Variants in ASGR2 observed in about 807,000 individuals in gnomAD.
The protein encoded by ASGR2 is asialoglycoprotein receptor 2.
A neutral mutation model predicts 32.3 loss-of-function variants in ASGR2; 34 were observed. The observed-to-expected ratio is 1.05, with a 90% CI of 0.80 to 1.40. The LOEUF is 1.40. Among genes scored for constraint, ASGR2 ranks in the 40% most tolerant of loss-of-function variants. The pLI, the probability that ASGR2 is intolerant of heterozygous loss-of-function variation, is 0.00. For synonymous variants in ASGR2, 143 were observed against 150.0 expected, an observed-to-expected ratio of 0.95 and a Z score of 0.34; for missense variants, 385 against 386.4, an observed-to-expected ratio of 1.00 and a Z score of 0.03.
In ASGR2 at chr17:7,103,732, T is replaced by C. The variant is rs556466111; in HGVS notation, c.649-1536A>G. ...AAAAAGAGAGGTGAAAAATAGACTTTGAAAAGAAGCCTTGTTTCGGAATAT... is the reference window on the plus strand; with the variant it reads ...AAAAAGAGAGGTGAAAAATAGACTTCGAAAAGAAGCCTTGTTTCGGAATAT... On this transcript the variant is annotated intron_variant, in intron 7 of 8. Coordinates refer to ENST00000691900, the MANE Select transcript of ASGR2 (RefSeq NM_001201352.2). 1.2e-4 allele frequency among the ~76,000 whole-genome samples: 18 copies of C among 152,288 alleles called. No individual in the cohort carries two copies. In the South Asian group the frequency reaches 2.9e-3, roughly 25 times the overall value.
rs771878387 is a variant in ASGR2 at position 7,107,303 on chromosome 17, G to A, written c.424C>T (p.Leu142Phe). The part of the protein sequence containing the change: ...QDLKADHDAL[L>F]FHLKHFPVDL... ...ACGGGGAAGTGCTTCAGATGGAAGA[G>A]CAGGGCATCGTGATCTAGGACAGAC... is the stretch of plus-strand genomic sequence containing the variant. The change falls in exon 6 of 9, where the codon CTC (leucine) becomes TTC (phenylalanine). Residue 142 changes from leucine (L) to phenylalanine (F), a missense_variant. Coordinates refer to ENST00000691900, the MANE Select transcript of ASGR2 (RefSeq NM_001201352.2). The surrounding 1 kb of genome is among the most constrained non-coding windows in gnomAD (Gnocchi z 5.0). 6.2e-7 allele frequency: 1 copy of A among 1,613,486 alleles called. No homozygotes were observed. The highest frequency in any genetic ancestry group is 1.1e-5 in the South Asian group (1 of 91,084).
chr17:7,109,590 C>T (rs1442121489), intron 2 of ASGR2, among the ~76,000 whole-genome samples: 1 of 152,030 alleles, frequency 6.6e-6, no homozygotes, highest in East Asian at 1.9e-4. Flanking sequence ...TAAATTTGCT[C>T]CCCTCAGCCC....
chr17:7,108,039 C>A lies in ASGR2; in HGVS notation c.338-132G>T. On this transcript the variant is annotated intron_variant, in intron 4 of 8. Coordinates refer to ENST00000691900, the MANE Select transcript of ASGR2 (RefSeq NM_001201352.2). The surrounding 1 kb of genome is among the most constrained non-coding windows in gnomAD (Gnocchi z 4.9). The stretch of plus-strand genomic sequence containing the variant: ...CCTGGCTTCCTGGACCACACCCAGG[C>A]TCCCTGCACTGCCACAGTGGCTCAG... The A allele has an allele frequency of 1.1e-6, 1 of 906,208 alleles. No individual in the cohort carries two copies. The highest frequency in any genetic ancestry group is 1.7e-6 in the Non-Finnish European group (1 of 593,334). 56.1% of individuals were successfully genotyped at this position (906,208 alleles called of 1,614,324 possible). A position where few individuals can be genotyped will look rare whatever the true frequency, so the allele number is the denominator to read the frequency against.
upstream of ASGR2, chr17:7,115,028 C>A: frequency 1.0e-6 from 1 of 984,020 alleles, no homozygotes; most frequent in Non-Finnish European, 1.2e-6. This position sits in a 1 kb window ranked among gnomAD's most constrained non-coding sequence, Gnocchi z 4.2. Context: ...CTCCCTCCCC[C>A]TCTCACTTCC....
rs1915006682 is a variant in ASGR2, at chr17:7,113,467, ACT to A, written c.124+648_124+649del. Among the ~76,000 whole-genome samples, 2 of 147,048 alleles carry A rather than the reference ACT, an allele frequency of 1.4e-5. No homozygotes were observed. Among genetic ancestry groups the A allele is most frequent in the African/African-American group, 2.5e-5 (1 of 39,902 alleles). On this transcript the variant is annotated intron_variant, in intron 2 of 8. Transcript: ENST00000691900. This position sits in a 1 kb window ranked among gnomAD's most constrained non-coding sequence, Gnocchi z 5.1. The stretch of plus-strand genomic sequence containing the variant: ...TCACACAACACACAAACATACATAC[ACT>A]CACACAATACACACACACAACACAC...
At chr17:7,111,790 G>A (rs190087) in intron 2 of ASGR2, among the ~76,000 whole-genome samples, 62,137 of 150,722 alleles carry the variant, frequency 0.41, 13,729 homozygotes, top group Non-Finnish European at 0.49. Context: ...TTGGGAGGTC[G>A]ACACGGGGGG....
Position 7,114,755 on chromosome 17 carries a change from G to T in ASGR2, c.-211C>A. ...TGGAGGAGGGGCTGGTCCGGGCAAG[G>T]CCTGCACTGGAGGGTCTGAGTGTCC... On this transcript the variant is annotated 5_prime_UTR_variant, in exon 1 of 9. Transcript: ENST00000691900. The surrounding 1 kb of genome is among the most constrained non-coding windows in gnomAD (Gnocchi z 4.5). The T allele has an allele frequency of 1.0e-5, 10 of 1,000,612 alleles. No individual in the cohort carries two copies. The highest frequency in any genetic ancestry group is 1.2e-5 in the Non-Finnish European group (10 of 838,490). The allele number at this position is 1,000,612 out of a possible 1,614,324, so 62.0% of individuals were successfully genotyped here. A position where few individuals can be genotyped will look rare whatever the true frequency, so the allele number is the denominator to read the frequency against.
At position 7,107,206 on chromosome 17, in the gene ASGR2, G is replaced by C. The variant is rs1291711505; in HGVS notation, c.496+25C>G. Reference sequence around the variant, plus strand: ...TCCAGCCGGAGGGGCAGGCACACTGGGCCTGGAGACGGCCCCACCCCTACC... The same window carrying C: ...TCCAGCCGGAGGGGCAGGCACACTGCGCCTGGAGACGGCCCCACCCCTACC... On this transcript the variant is annotated intron_variant, in intron 6 of 8. Transcript: ENST00000691900. This position sits in a 1 kb window ranked among gnomAD's most constrained non-coding sequence, Gnocchi z 5.0. 6.2e-7 allele frequency: 1 copy of C among 1,614,064 alleles called. No individual in the cohort carries two copies. The highest frequency in any genetic ancestry group is 8.5e-7 in the Non-Finnish European group (1 of 1,180,040).
Position 7,114,139 on chromosome 17 carries a change from C to A in ASGR2, c.102G>T (p.Arg34Ser), listed in dbSNP as rs750290353. The change falls in exon 2 of 9, where the codon AGG becomes AGT. Residue 34 changes from arginine to serine, a missense_variant. Arg to Ser is a moderately radical substitution (Grantham distance 110, BLOSUM62 -1). Coordinates refer to ENST00000691900, the MANE Select transcript of ASGR2 (RefSeq NM_001201352.2). This position sits in a 1 kb window ranked among gnomAD's most constrained non-coding sequence, Gnocchi z 4.5. Reference sequence around the variant, plus strand: ...TGCCTTTCAAAAATGGATTTCCTCTCCTGGGATTCAGCCTGCGAGTGCCTG... The same window carrying A: ...TGCCTTTCAAAAATGGATTTCCTCTACTGGGATTCAGCCTGCGAGTGCCTG... ...EGPGTRRLNP[R>S]RGNPFLKGPP... is the part of the protein sequence containing the mutation. The A allele has an allele frequency of 3.1e-6, 5 of 1,614,250 alleles. No individual in the cohort carries two copies. Among genetic ancestry groups the A allele is most frequent in the Non-Finnish European group, 4.2e-6 (5 of 1,180,038 alleles).
At position 7,101,410 on chromosome 17, in the gene ASGR2, T is replaced by C; in HGVS notation, c.*165A>G. 3.9e-6 allele frequency: 3 copies of C among 777,572 alleles called. No homozygotes were observed. Among genetic ancestry groups the C allele is most frequent in the Non-Finnish European group, 5.9e-6 (3 of 512,728 alleles). The allele number at this position is 777,572 out of a possible 1,614,324, so 48.2% of individuals were successfully genotyped here. A position where few individuals can be genotyped will look rare whatever the true frequency, so the allele number is the denominator to read the frequency against. Reference sequence around the variant, plus strand: ...CAATGAATTACAGAAGGAGGTGGGATCTCAGTCCTCCAGGGTCAGGGACTC... The same window carrying C: ...CAATGAATTACAGAAGGAGGTGGGACCTCAGTCCTCCAGGGTCAGGGACTC... On this transcript the variant is annotated 3_prime_UTR_variant, in exon 9 of 9. Coordinates refer to ENST00000691900, the MANE Select transcript of ASGR2 (RefSeq NM_001201352.2).
Position 7,107,159 on chromosome 17 carries a change from G to A in ASGR2, c.497-8C>T, listed in dbSNP as rs1913847075. On this transcript the variant is annotated splice_polypyrimidine_tract_variant and splice_region_variant and intron_variant, in intron 6 of 8. Coordinates refer to ENST00000691900, the MANE Select transcript of ASGR2 (RefSeq NM_001201352.2). This position sits in a 1 kb window ranked among gnomAD's most constrained non-coding sequence, Gnocchi z 5.0. ...AGCAGGTCCTTTGGGAGCCTGAGGG[G>A]ACAGGGGGCAGGGAGATGAGATCCA... The A allele has an allele frequency of 6.2e-7, 1 of 1,614,208 alleles. No individual in the cohort carries two copies. Among genetic ancestry groups the A allele is most frequent in the Non-Finnish European group, 8.5e-7 (1 of 1,180,032 alleles).
At chr17:7,115,134 A>C, upstream of ASGR2, 1 of 473,902 alleles carries the variant, frequency 2.1e-6, no homozygotes, top group Non-Finnish European at 2.8e-6. This position sits in a 1 kb window ranked among gnomAD's most constrained non-coding sequence, Gnocchi z 4.2. Flanking sequence ...CGGCATCTGA[A>C]CCACAGACCC....
At chr17:7,106,127 A>AT (rs879718070) in intron 7 of ASGR2, among the ~76,000 whole-genome samples, 6 of 152,074 alleles carry the variant, frequency 3.9e-5, no homozygotes, top group East Asian at 3.9e-4. Context: ...GAGTCGATAT[A>AT]TTTTTTTTAA....
At chr17:7,104,905 G>A (rs1387875918) in intron 7 of ASGR2, among the ~76,000 whole-genome samples, 1 of 151,500 alleles carries the variant, frequency 6.6e-6, no homozygotes, top group African/African-American at 2.4e-5. Flanking sequence ...GAACCTGGGA[G>A]GCAGAGGTTG....
At position 7,109,005 on chromosome 17, in the gene ASGR2, G is replaced by C. The variant is rs190813014; in HGVS notation, c.125-117C>G. ...GGCGGGGGGATTGGTTGGGGCCATG[G>C]GGGGGGGTCATCATAGGCTTTGACC... On this transcript the variant is annotated intron_variant, in intron 2 of 8. Coordinates refer to ENST00000691900, the MANE Select transcript of ASGR2 (RefSeq NM_001201352.2). The C allele has an allele frequency of 7.8e-5, 73 of 936,456 alleles. No homozygotes were observed. In the South Asian group the frequency reaches 1.1e-3, roughly 14 times the overall value. The allele number at this position is 936,456 out of a possible 1,614,324, so 58.0% of individuals were successfully genotyped here. A position where few individuals can be genotyped will look rare whatever the true frequency, so the allele number is the denominator to read the frequency against.
rs1567766459 is a variant in ASGR2 at position 7,108,729 on chromosome 17, TCCCTA to T, written c.241+38_241+42del. ...CTGCCCGCCACTGCCCATGTCTCTT[TCCCTA>T]CCCCTTGCCCATCCCTGCTGGCCCC... is the stretch of plus-strand genomic sequence containing the variant. On this transcript the variant is annotated intron_variant, in intron 3 of 8. Transcript: ENST00000691900. This position sits in a 1 kb window ranked among gnomAD's most constrained non-coding sequence, Gnocchi z 4.9. 3.1e-6 allele frequency: 5 copies of T among 1,613,682 alleles called. No homozygotes were observed. In the Admixed American group the frequency reaches 5.0e-5, roughly 16 times the overall value.
rs574550495 is a variant in ASGR2 at position 7,114,358 on chromosome 17, C to G, written c.-70-48G>C. 7 of 1,266,576 alleles carry G rather than the reference C, an allele frequency of 5.5e-6. No individual in the cohort carries two copies. The highest frequency in any genetic ancestry group is 7.1e-6 in the Non-Finnish European group (7 of 979,846). The allele number at this position is 1,266,576 out of a possible 1,614,324, so 78.5% of individuals were successfully genotyped here. On this transcript the variant is annotated intron_variant, in intron 1 of 8. Transcript: ENST00000691900. The surrounding 1 kb of genome is among the most constrained non-coding windows in gnomAD (Gnocchi z 4.5). ...CGTGGAGGTTGATGGTGGGATGGAA[C>G]GCAGGGTCGGAGGGGTTCGGGGTGG...
Position 7,107,624 on chromosome 17 carries a change from A to G in ASGR2, c.409+212T>C. ...CACCACCACACATGCATACACACAC[A>G]ACACACACATATACACCACACTACA... On this transcript the variant is annotated intron_variant, in intron 5 of 8. Coordinates refer to ENST00000691900, the MANE Select transcript of ASGR2 (RefSeq NM_001201352.2). The surrounding 1 kb of genome is among the most constrained non-coding windows in gnomAD (Gnocchi z 5.0). The G allele has an allele frequency of 1.4e-6, 1 of 690,122 alleles. No individual in the cohort carries two copies. Among genetic ancestry groups the G allele is most frequent in the Non-Finnish European group, 2.5e-6 (1 of 400,584 alleles). The allele number at this position is 690,122 out of a possible 1,614,324, so 42.7% of individuals were successfully genotyped here. A position where few individuals can be genotyped will look rare whatever the true frequency, so the allele number is the denominator to read the frequency against.
Position 7,111,484 on chromosome 17 carries a change from A to G in ASGR2, c.125-2596T>C, listed in dbSNP as rs149165492. 9.0e-3 allele frequency among the ~76,000 whole-genome samples: 1,366 copies of G among 151,958 alleles called. 43 individuals carry two copies. The East Asian group carries it at 0.098, about 11-fold the overall frequency. ...ATCCTGGCTAACATGGTGAAACCCC[A>G]TCTCTACTAAAAATACAAAAAATTA... On this transcript the variant is annotated intron_variant, in intron 2 of 8. Transcript: ENST00000691900.
Sources: allele counts gnomAD v4.1 joint callset (sites outside exome capture counted in the v4.1 genomes callset), GRCh38; gene constraint gnomAD v4.1.1; non-coding constraint Gnocchi (gnomAD v3.1); transcripts MANE v1.5; gene names NCBI Gene and HGNC (gene_info 2026-07-23, HGNC 2026-07-21).